TRAPPC9: variants seen among roughly 807,000 people sequenced by gnomAD.
The protein encoded by TRAPPC9 is trafficking protein particle complex subunit 9, also known as IKK2 binding protein.
Under a neutral mutation model 124.0 loss-of-function variants are expected in TRAPPC9, and 83 were observed. That is an observed-to-expected ratio of 0.67 (90% CI 0.56 to 0.80). TRAPPC9 has a LOEUF of 0.80. Among genes scored for constraint, TRAPPC9 ranks in the 30% least tolerant of loss-of-function variants. TRAPPC9 has a pLI of 0.00. For missense variants in TRAPPC9, 1,302 were observed against 1,508.3 expected, an observed-to-expected ratio of 0.86 and a Z score of 2.27; for synonymous variants, 638 against 617.5, an observed-to-expected ratio of 1.03 and a Z score of -0.49.
intron 17 of TRAPPC9, among the ~76,000 whole-genome samples, chr8:140,116,777 G>A (rs866109747): frequency 1.3e-5 from 2 of 152,158 alleles, no homozygotes; most frequent in Admixed American, 6.5e-5. Context: ...CAAAGGTACC[G>A]TAGAGGTTCC....
chr8:140,419,645 G>A (rs1039293294), intron 5 of TRAPPC9, among the ~76,000 whole-genome samples: 11 of 151,658 alleles, frequency 7.3e-5, no homozygotes, highest in African/African-American at 2.7e-4. Context: ...CAACACTTTG[G>A]GAGGCCGAGG....
chr8:140,104,705 C>G lies in TRAPPC9; in HGVS notation c.2557-80626G>C, dbSNP rs1266787039. Among the ~76,000 whole-genome samples, 2 of 152,180 alleles carry G rather than the reference C, an allele frequency of 1.3e-5. No homozygotes were observed. Among genetic ancestry groups the G allele is most frequent in the South Asian group, 2.1e-4 (1 of 4,832 alleles). ...CACCCTCCTGGGGGTGCCATTCCCC[C>G]AGCCCAGGCACCAGGCCCGGACCAG... On this transcript the variant is annotated intron_variant, in intron 17 of 22. Transcript: ENST00000438773. The surrounding 1 kb of genome is among the most constrained non-coding windows in gnomAD (Gnocchi z 4.0).
At chr8:139,985,255 T>A (rs543319481) in intron 19 of TRAPPC9, among the ~76,000 whole-genome samples, 4 of 152,344 alleles carry the variant, frequency 2.6e-5, no homozygotes, top group Admixed American at 6.5e-5. Context: ...AAGCTTACTA[T>A]ACAGGACAAG....
chr8:140,221,332 C>T, intron 17 of TRAPPC9, 127 bp downstream of exon 17: 1 of 1,394,732 alleles, frequency 7.2e-7, no homozygotes, highest in Non-Finnish European at 1.0e-6. Context: ...ACAAAGAATA[C>T]CAAGAATCCA....
At chr8:139,816,716 G>C (rs759633785) in intron 21 of TRAPPC9, among the ~76,000 whole-genome samples, 5 of 152,084 alleles carry the variant, frequency 3.3e-5, no homozygotes, top group Non-Finnish European at 7.4e-5. Context: ...ATCTTAAAAT[G>C]GAAGGGCATC....
intron 21 of TRAPPC9, among the ~76,000 whole-genome samples, chr8:139,844,122 C>T (rs758707246): frequency 2.2e-4 from 34 of 152,198 alleles, no homozygotes; most frequent in Non-Finnish European, 4.1e-4. Flanking sequence ...TATGCTCACC[C>T]GCCAGAGTCA....
intron 19 of TRAPPC9, among the ~76,000 whole-genome samples, chr8:139,972,416 G>A (rs947692625): frequency 2.0e-5 from 3 of 152,156 alleles, no homozygotes; most frequent in Non-Finnish European, 4.4e-5. Context: ...GAAAAGAACC[G>A]TATTTTAGGA....
At position 140,356,967 on chromosome 8, in the gene TRAPPC9, G is replaced by A. The variant is rs567514862; in HGVS notation, c.1495+3083C>T. Among the ~76,000 whole-genome samples, 3 of 152,264 alleles carry A rather than the reference G, an allele frequency of 2.0e-5. No homozygotes were observed. The South Asian group carries it at 6.2e-4, about 32-fold the overall frequency. ...CAAGTCAGAATCAACTTCCCCATAAGCAATCACGATGAAGGCAAGGGCTGT... is the reference window on the plus strand; with the variant it reads ...CAAGTCAGAATCAACTTCCCCATAAACAATCACGATGAAGGCAAGGGCTGT... On this transcript the variant is annotated intron_variant, in intron 9 of 22. Coordinates refer to ENST00000438773, the MANE Select transcript of TRAPPC9 (RefSeq NM_001160372.4).
At chr8:140,336,193 C>T (rs1247974177) in intron 9 of TRAPPC9, among the ~76,000 whole-genome samples, 1 of 152,120 alleles carries the variant, frequency 6.6e-6, no homozygotes, top group Non-Finnish European at 1.5e-5. Context: ...TTGTGTGTCA[C>T]GTCCCTGAGG....
chr8:140,128,543 T>A (rs377322154), intron 17 of TRAPPC9, among the ~76,000 whole-genome samples: 35 of 152,350 alleles, frequency 2.3e-4, no homozygotes, highest in South Asian at 1.9e-3. Flanking sequence ...GTGAGGCAAA[T>A]TCATTCTCTT....
chr8:140,303,740 G>A (rs2066046123), intron 10 of TRAPPC9, among the ~76,000 whole-genome samples: 1 of 152,198 alleles, frequency 6.6e-6, no homozygotes, highest in Non-Finnish European at 1.5e-5. Context: ...GGAATTACTT[G>A]AAACCATCTT....
chr8:139,843,280 G>A (rs1396239786), intron 21 of TRAPPC9, among the ~76,000 whole-genome samples: 1 of 152,208 alleles, frequency 6.6e-6, no homozygotes, highest in Non-Finnish European at 1.5e-5. Context: ...TGAATTCCCA[G>A]AGCCAGCAGG....
intron 21 of TRAPPC9, among the ~76,000 whole-genome samples, chr8:139,818,564 A>T (rs1240781030): frequency 6.6e-6 from 1 of 152,010 alleles, no homozygotes; most frequent in Non-Finnish European, 1.5e-5. Flanking sequence ...CAATAGAGCA[A>T]GGCTCTGTCT....
intron 21 of TRAPPC9, among the ~76,000 whole-genome samples, chr8:139,847,579 G>A (rs1396805703): frequency 6.8e-6 from 1 of 146,426 alleles, no homozygotes; most frequent in African/African-American, 2.6e-5. Context: ...GGCGTGGCCT[G>A]CAGATGGGCA....
chr8:140,072,860 T>C (rs1308570330), intron 17 of TRAPPC9, among the ~76,000 whole-genome samples: 1 of 151,924 alleles, frequency 6.6e-6, no homozygotes, highest in African/African-American at 2.4e-5. Context: ...CTCCTACGAG[T>C]CTATAAAAAT....
At chr8:139,977,105 G>C (rs755714333) in intron 19 of TRAPPC9, among the ~76,000 whole-genome samples, 1 of 152,132 alleles carries the variant, frequency 6.6e-6, no homozygotes, top group Non-Finnish European at 1.5e-5. Context: ...CAAACCTCAA[G>C]CAGTAAAGCA....
At chr8:139,787,166 G>A (rs529876922) in intron 21 of TRAPPC9, among the ~76,000 whole-genome samples, 3 of 152,286 alleles carry the variant, frequency 2.0e-5, no homozygotes, top group East Asian at 1.9e-4. Flanking sequence ...GCGAGCTGAC[G>A]GGCGTGAGTG....
At chr8:139,934,296 G>A (rs780401666) in intron 19 of TRAPPC9, among the ~76,000 whole-genome samples, 4 of 152,184 alleles carry the variant, frequency 2.6e-5, no homozygotes, top group Non-Finnish European at 5.9e-5. Context: ...GAGAGAGAGA[G>A]AGAGAGAGAA....
chr8:140,439,553 T>C (rs1435219946), intron 2 of TRAPPC9, among the ~76,000 whole-genome samples: 1 of 152,252 alleles, frequency 6.6e-6, no homozygotes, highest in Non-Finnish European at 1.5e-5. Flanking sequence ...CTTCCACTTC[T>C]TAACATCAAA....
Sources: allele counts gnomAD v4.1 joint callset (sites outside exome capture counted in the v4.1 genomes callset), GRCh38; gene constraint gnomAD v4.1.1; non-coding constraint Gnocchi (gnomAD v3.1); transcripts MANE v1.5; gene names NCBI Gene and HGNC (gene_info 2026-07-23, HGNC 2026-07-21).